The following TPTE2 variants were observed in gnomAD, a reference collection of about 807,000 sequenced individuals.
The protein encoded by TPTE2 is transmembrane phosphoinositide 3-phosphatase and tensin homolog 2, also known as phosphatidylinositol 3,4,5-trisphosphate 3-phosphatase TPTE2.
A neutral mutation model predicts 78.6 loss-of-function variants in TPTE2; 53 were observed. The observed-to-expected ratio is 0.67, with a 90% CI of 0.54 to 0.85. The LOEUF is 0.85. Ranked by LOEUF, TPTE2 falls within the 40% of genes least tolerant of loss-of-function variation. The probability of loss-of-function intolerance (pLI) is 0.00; values close to 1 mark genes in which losing one functional copy is unlikely to be tolerated. For missense variants in TPTE2, 461 were observed against 623.0 expected, an observed-to-expected ratio of 0.74 and a Z score of 2.77; for synonymous variants, 175 against 206.2, an observed-to-expected ratio of 0.85 and a Z score of 1.30.
At chr13:19,466,271 T>A (rs1418814865) in intron 7 of TPTE2, among the ~76,000 whole-genome samples, 2 of 152,144 alleles carry the variant, frequency 1.3e-5, no homozygotes, top group African/African-American at 4.8e-5. Flanking sequence ...GCCTAAGGTA[T>A]TTTTCTTCTT....
At chr13:19,551,810 G>A in the TPTE2 span, among the ~76,000 whole-genome samples, 17 of 151,902 alleles carry the variant, frequency 1.1e-4, no homozygotes, top group African/African-American at 3.4e-4. Flanking sequence ...ACATTATAAA[G>A]GTTAAAATAT....
chr13:19,487,499 T>C (rs1271613276), intron 3 of TPTE2, among the ~76,000 whole-genome samples: 1 of 152,054 alleles, frequency 6.6e-6, no homozygotes, highest in Non-Finnish European at 1.5e-5. Flanking sequence ...CTCTCCCACT[T>C]GGGAGAGGGC....
At chr13:19,423,424 T>C (rs1333227843) in intron 19 of TPTE2, among the ~76,000 whole-genome samples, 1 of 152,226 alleles carries the variant, frequency 6.6e-6, no homozygotes, top group Non-Finnish European at 1.5e-5. Flanking sequence ...CCAAGTTTAA[T>C]AAAATATCTA....
the TPTE2 span, among the ~76,000 whole-genome samples, chr13:19,554,978 C>T: frequency 6.6e-6 from 1 of 152,176 alleles, no homozygotes; most frequent in Admixed American, 6.5e-5. Context: ...CACTGACTGA[C>T]CTATGCCTTT....
chr13:19,423,412 A>T (rs1016111139), intron 19 of TPTE2, among the ~76,000 whole-genome samples: 2 of 152,216 alleles, frequency 1.3e-5, no homozygotes, highest in African/African-American at 2.4e-5. Flanking sequence ...AATTAATGAC[A>T]TCCAAGTTTA....
the TPTE2 span, among the ~76,000 whole-genome samples, chr13:19,556,216 C>A: frequency 1.3e-5 from 2 of 152,116 alleles, no homozygotes; most frequent in African/African-American, 4.8e-5. Flanking sequence ...CAAGAAAATG[C>A]AGTTTTTGCA....
At chr13:19,539,157 A>G (rs944557301), upstream of TPTE2, among the ~76,000 whole-genome samples, 16 of 152,196 alleles carry the variant, frequency 1.1e-4, no homozygotes, top group Non-Finnish European at 2.4e-4. Flanking sequence ...ATCAACTCTT[A>G]AAGGCCCCAC....
chr13:19,503,234 T>C, exon 1 of TPTE2: 1 of 1,613,820 alleles, frequency 6.2e-7, no homozygotes, highest in Non-Finnish European at 8.5e-7. Context: ...CTTTCATTCA[T>C]ACGTGCCTCT....
chr13:19,498,077 A>G (rs1305770186), intron 1 of TPTE2, among the ~76,000 whole-genome samples: 12 of 151,528 alleles, frequency 7.9e-5, no homozygotes, highest in Non-Finnish European at 1.5e-4. Flanking sequence ...GAATGAAATG[A>G]AGCGAGAAGG....
the TPTE2 span, among the ~76,000 whole-genome samples, chr13:19,543,142 C>T: frequency 6.6e-6 from 1 of 152,000 alleles, no homozygotes; most frequent in Admixed American, 6.5e-5. Context: ...ACTGCAACCT[C>T]CATCTTCTGG....
intron 1 of TPTE2, among the ~76,000 whole-genome samples, chr13:19,525,946 A>T (rs1249821646): frequency 6.6e-6 from 1 of 152,166 alleles, no homozygotes; most frequent in Non-Finnish European, 1.5e-5. Context: ...AAAATGCTCA[A>T]CATCACTAAT....
intron 3 of TPTE2, among the ~76,000 whole-genome samples, chr13:19,482,870 G>C (rs1016159323): frequency 6.6e-6 from 1 of 151,326 alleles, no homozygotes; most frequent in African/African-American, 2.4e-5. Flanking sequence ...TATAGGTATA[G>C]ACATATATCA....
chr13:19,450,003 T>C lies in TPTE2; in HGVS notation c.973+73A>G, dbSNP rs1878072092. 3 of 1,539,730 alleles carry C rather than the reference T, an allele frequency of 1.9e-6. No individual in the cohort carries two copies. In the East Asian group the frequency reaches 6.8e-5, roughly 35 times the overall value. On this transcript the variant is annotated intron_variant, in intron 13 of 19. Coordinates refer to ENST00000400230, the Ensembl canonical transcript of TPTE2. ...ATTAATACATATTAATAGCAATACG[T>C]ATCTTGTTCTTCTACTTTATCTATA...
intron 4 of TPTE2, among the ~76,000 whole-genome samples, chr13:19,476,930 T>C (rs1388828167): frequency 1.3e-5 from 2 of 152,172 alleles, no homozygotes; most frequent in African/African-American, 4.8e-5. Flanking sequence ...ACTGCAGCAC[T>C]ATTTACAATA....
chr13:19,522,154 A>G (rs181521299), intron 1 of TPTE2, among the ~76,000 whole-genome samples: 1 of 152,344 alleles, frequency 6.6e-6, no homozygotes, highest in African/African-American at 2.4e-5. Flanking sequence ...GACCCTTAGT[A>G]GCCATCTTGA....
At chr13:19,539,388 C>T (rs1196329258), upstream of TPTE2, among the ~76,000 whole-genome samples, 1 of 152,174 alleles carries the variant, frequency 6.6e-6, no homozygotes, top group Admixed American at 6.5e-5. Context: ...CTTATGAGAT[C>T]TGATGGTTTT....
At chr13:19,484,566 G>C (rs1233988592) in intron 3 of TPTE2, among the ~76,000 whole-genome samples, 2 of 152,180 alleles carry the variant, frequency 1.3e-5, no homozygotes, top group Non-Finnish European at 2.9e-5. Context: ...GTGGGATATG[G>C]AAGTGCCCAA....
chr13:19,560,563 C>A, the TPTE2 span: 1 of 1,598,962 alleles, frequency 6.3e-7, no homozygotes, highest in Non-Finnish European at 8.5e-7. Context: ...CTTGGCCCAG[C>A]TGATGGTGAC....
At chr13:19,427,026 C>G (rs1490166673) in intron 17 of TPTE2, among the ~76,000 whole-genome samples, 1 of 149,894 alleles carries the variant, frequency 6.7e-6, no homozygotes, top group Non-Finnish European at 1.5e-5. Context: ...CTTTTAAAGG[C>G]CAACATGTTT....
Sources: allele counts gnomAD v4.1 joint callset (sites outside exome capture counted in the v4.1 genomes callset), GRCh38; gene constraint gnomAD v4.1.1; transcripts MANE v1.5; gene names NCBI Gene and HGNC (gene_info 2026-07-23, HGNC 2026-07-21).